Variants in FOXE1 observed in about 807,000 individuals in gnomAD.
FOXE1 encodes the protein forkhead box protein E1.
FOXE1 carries 4 observed loss-of-function variants against 2.1 expected under a neutral mutation model. That is an observed-to-expected ratio of 1.91 (90% confidence interval 0.94 to 4.37). The LOEUF is 4.37. FOXE1 is among the 30% of genes most tolerant of loss of function. The pLI is 0.01. For missense variants in FOXE1, 574 were observed against 583.3 expected, an observed-to-expected ratio of 0.98 and a Z score of 0.16; for synonymous variants, 277 against 272.4, an observed-to-expected ratio of 1.02 and a Z score of -0.17.
Position 97,854,483 on chromosome 9 carries a change from C to T in FOXE1, c.569C>T (p.Pro190Leu), listed in dbSNP as rs182535331. The T allele has an allele frequency of 9.8e-6, 12 of 1,229,610 alleles. No homozygotes were observed. In the East Asian group the frequency reaches 2.3e-4, roughly 24 times the overall value. The allele number at this position is 1,229,610 out of a possible 1,614,324, so 76.2% of individuals were successfully genotyped here. A position where few individuals can be genotyped will look rare whatever the true frequency, so the allele number is the denominator to read the frequency against. Reference sequence around the variant, plus strand: ...CCAGGCGCGGTGCCCGCCGCGCGCCCCCCCTACCCGGGCGCCGTCTATGCA... The same window carrying T: ...CCAGGCGCGGTGCCCGCCGCGCGCCTCCCCTACCCGGGCGCCGTCTATGCA... The part of the protein sequence containing the change: ...IFPGAVPAAR[P>L]PYPGAVYAGY... The change falls in exon 1 of 1, where the codon CCC becomes CTC. Residue 190 changes from proline (P) to leucine (L), a missense_variant. Pro to Leu is a moderately conservative substitution (Grantham distance 98, BLOSUM62 -3). This residue lies in a region of FOXE1 where 316 missense variants were observed against 288.4 expected (regional missense o/e 1.10). Coordinates refer to ENST00000375123, the MANE Select transcript of FOXE1 (RefSeq NM_004473.4).
rs1393775359 is a variant in FOXE1 at position 97,853,816 on chromosome 9, C to T, written c.-99C>T. On this transcript the variant is annotated 5_prime_UTR_variant, in exon 1 of 1. Transcript: ENST00000375123. Reference sequence around the variant, plus strand: ...GCCCGCGACGATCCCCTGAGCTCTCCGCAGAAGGGCCGAGCGTCCGTTCCG... The same window carrying T: ...GCCCGCGACGATCCCCTGAGCTCTCTGCAGAAGGGCCGAGCGTCCGTTCCG... The T allele has an allele frequency of 3.1e-5, 33 of 1,077,072 alleles. No homozygotes were observed. Among genetic ancestry groups the T allele is most frequent in the Non-Finnish European group, 3.9e-5 (33 of 850,994 alleles). The allele number at this position is 1,077,072 out of a possible 1,614,324, so 66.7% of individuals were successfully genotyped here.
chr9:97,855,095 T>C lies in FOXE1; in HGVS notation c.*59T>C. ...GGCTGTTCACACGTTCCCCGCAATCTGAGAACGAACAGGAATGGAGAGAGG... is the reference window on the plus strand; with the variant it reads ...GGCTGTTCACACGTTCCCCGCAATCCGAGAACGAACAGGAATGGAGAGAGG... On this transcript the variant is annotated 3_prime_UTR_variant, in exon 1 of 1. Transcript: ENST00000375123. 4 of 1,585,054 alleles carry C rather than the reference T, an allele frequency of 2.5e-6. No individual in the cohort carries two copies. Among genetic ancestry groups the C allele is most frequent in the Non-Finnish European group, 3.4e-6 (4 of 1,162,480 alleles).
In FOXE1 at chr9:97,853,895, G is replaced by A. The variant is rs891168156; in HGVS notation, c.-20G>A. On this transcript the variant is annotated 5_prime_UTR_variant, in exon 1 of 1. Coordinates refer to ENST00000375123, the MANE Select transcript of FOXE1 (RefSeq NM_004473.4). ...ACAGCCGCGGGGATCCAGAGCCCGG[G>A]GGTGCGGGACGCCCGCGCCATGACT... 1.6e-6 allele frequency: 2 copies of A among 1,271,102 alleles called. No individual in the cohort carries two copies. The highest frequency in any genetic ancestry group is 3.1e-5 in the African/African-American group (2 of 64,108). 78.7% of individuals were successfully genotyped at this position (1,271,102 alleles called of 1,614,324 possible).
In FOXE1 at chr9:97,854,697, C is replaced by T; in HGVS notation, c.783C>T (p.Tyr261=). Residue 261 remains tyrosine, a synonymous_variant, in exon 1 of 1, where the codon TAC becomes TAT. Transcript: ENST00000375123. ...GCGCCCCCGCTACCACCACCGGCTA[C>T]CAGCCCGCAGGCTGCACCGGGGCCC... The part of the protein sequence containing the change: ...SAGAPATTTG[Y]QPAGCTGARP... 1.4e-6 allele frequency: 2 copies of T among 1,414,384 alleles called. No homozygotes were observed. The highest frequency in any genetic ancestry group is 2.5e-4 in the Middle Eastern group (1 of 3,962). 87.6% of individuals were successfully genotyped at this position (1,414,384 alleles called of 1,614,324 possible).
Position 97,854,221 on chromosome 9 carries a change from CACA to C in FOXE1, c.310_312del (p.Asn104del). 2 of 1,613,206 alleles carry C rather than the reference CACA, an allele frequency of 1.2e-6. No individual in the cohort carries two copies. Among genetic ancestry groups the C allele is most frequent in the Non-Finnish European group, 8.5e-7 (1 of 1,179,686 alleles). On this transcript the variant is annotated inframe_deletion, in exon 1 of 1. Transcript: ENST00000375123. ...CAAAAAGTGGCAGAACAGCATCCGC[CACA>C]ACCTCACACTCAACGACTGCTTCCT... is the stretch of plus-strand genomic sequence containing the variant.
chr9:97,853,378 G>C lies in FOXE1; in HGVS notation c.-537G>C, dbSNP rs7849497. On this transcript the variant is annotated 5_prime_UTR_variant, in exon 1 of 1. Coordinates refer to ENST00000375123, the MANE Select transcript of FOXE1 (RefSeq NM_004473.4). ...TCGCCTCTCTGCCCGTGGCGCTTACGGCCACCTTGGCCTCGGGGGCAGGGC... is the reference window on the plus strand; with the variant it reads ...TCGCCTCTCTGCCCGTGGCGCTTACCGCCACCTTGGCCTCGGGGGCAGGGC... 124,578 of 152,740 alleles carry C rather than the reference G, an allele frequency of 0.82. 51,546 individuals carry two copies. The highest frequency in any genetic ancestry group is 0.99 in the East Asian group (5,123 of 5,154). The allele number at this position is 152,740 out of a possible 1,614,324, so 9.5% of individuals were successfully genotyped here.
rs1036219486 is a variant in FOXE1 at position 97,855,845 on chromosome 9, C to T, written c.*809C>T. 3.0e-5 allele frequency: 5 copies of T among 167,062 alleles called. No homozygotes were observed. The highest frequency in any genetic ancestry group is 7.3e-5 in the Non-Finnish European group (5 of 68,140). The allele number at this position is 167,062 out of a possible 1,614,324, so 10.3% of individuals were successfully genotyped here. Reference sequence around the variant, plus strand: ...CTGTTCTAGGGAACGGAAAAGAGTTCATGGCCAAGCGTCTAACCTAAAGTC... The same window carrying T: ...CTGTTCTAGGGAACGGAAAAGAGTTTATGGCCAAGCGTCTAACCTAAAGTC... On this transcript the variant is annotated 3_prime_UTR_variant, in exon 1 of 1. Coordinates refer to ENST00000375123, the MANE Select transcript of FOXE1 (RefSeq NM_004473.4).
In FOXE1 at chr9:97,854,659, T is replaced by G; in HGVS notation, c.745T>G (p.Phe249Val). ...GTCGGGGCCCGGCGGCTCTTGCGCC[T>G]TTGCCTCCGCCGGCGCCCCCGCTAC... ...APSGPGGSCA[F>V]ASAGAPATTT... The change falls in exon 1 of 1, where the codon TTT (phenylalanine) becomes GTT (valine). Residue 249 changes from phenylalanine to valine, a missense_variant. Phe to Val is a conservative substitution (Grantham distance 50). Around this residue, in one of 3 missense-constraint regions of FOXE1, gnomAD observed 316 missense variants for 288.4 expected, o/e 1.10. Coordinates refer to ENST00000375123, the MANE Select transcript of FOXE1 (RefSeq NM_004473.4). 2 of 1,400,912 alleles carry G rather than the reference T, an allele frequency of 1.4e-6. No homozygotes were observed. Among genetic ancestry groups the G allele is most frequent in the Admixed American group, 3.4e-5 (1 of 29,698 alleles). 86.8% of individuals were successfully genotyped at this position (1,400,912 alleles called of 1,614,324 possible).
Position 97,854,567 on chromosome 9 carries a change from C to T in FOXE1, c.653C>T (p.Pro218Leu). The T allele has an allele frequency of 7.5e-7, 1 of 1,327,684 alleles. No individual in the cohort carries two copies. 82.2% of individuals were successfully genotyped at this position (1,327,684 alleles called of 1,614,324 possible). ...PPPVYYPAAS[P>L]GPCRVFGLVP... is the part of the protein sequence containing the mutation. ...CCAGTCTACTACCCCGCGGCGTCGC[C>T]CGGCCCTTGCCGCGTCTTCGGCCTG... The change falls in exon 1 of 1, where the codon CCC becomes CTC. Residue 218 changes from proline (P) to leucine (L), a missense_variant. Physicochemically the swap from Pro to Leu is moderately conservative, Grantham distance 98. Transcript: ENST00000375123.
chr9:97,854,543 C>T lies in FOXE1; in HGVS notation c.629C>T (p.Pro210Leu). ...CCGCCGTCGCTGGCCGCGCCGCCTC[C>T]AGTCTACTACCCCGCGGCGTCGCCC... ...YAPPSLAAPP[P>L]VYYPAASPGP... The change falls in exon 1 of 1, where the codon CCA becomes CTA. Residue 210 changes from proline to leucine, a missense_variant. Pro to Leu is a moderately conservative substitution (Grantham distance 98, BLOSUM62 -3). Coordinates refer to ENST00000375123, the MANE Select transcript of FOXE1 (RefSeq NM_004473.4). 1 of 1,269,636 alleles carries T rather than the reference C, an allele frequency of 7.9e-7. No homozygotes were observed. The highest frequency in any genetic ancestry group is 9.9e-7 in the Non-Finnish European group (1 of 1,013,766). The allele number at this position is 1,269,636 out of a possible 1,614,324, so 78.6% of individuals were successfully genotyped here. A position where few individuals can be genotyped will look rare whatever the true frequency, so the allele number is the denominator to read the frequency against.
chr9:97,854,492 C>G lies in FOXE1; in HGVS notation c.578C>G (p.Pro193Arg). The stretch of plus-strand genomic sequence containing the variant: ...GTGCCCGCCGCGCGCCCCCCCTACC[C>G]GGGCGCCGTCTATGCAGGCTACGCG... ...GAVPAARPPY[P>R]GAVYAGYAPP... The change falls in exon 1 of 1, where the codon CCG becomes CGG. Residue 193 changes from proline to arginine, a missense_variant. Coordinates refer to ENST00000375123, the MANE Select transcript of FOXE1 (RefSeq NM_004473.4). The G allele has an allele frequency of 8.1e-7, 1 of 1,230,454 alleles. No homozygotes were observed. The highest frequency in any genetic ancestry group is 3.9e-5 in the South Asian group (1 of 25,440). 76.2% of individuals were successfully genotyped at this position (1,230,454 alleles called of 1,614,324 possible).
Position 97,854,424 on chromosome 9 carries a change from C to CGCTGCCGCA in FOXE1, c.512_513insTGCCGCAGC (p.Ala177_Ala179dup), listed in dbSNP as rs755194188. 0.081 allele frequency: 14,273 copies of CGCTGCCGCA among 176,068 alleles called. 98 individuals are homozygous for CGCTGCCGCA. The highest frequency in any genetic ancestry group is 0.082 in the Non-Finnish European group (12,517 of 152,454). The allele number at this position is 176,068 out of a possible 1,614,324, so 10.9% of individuals were successfully genotyped here. ...ACGACGCGGCGGCTGCCGCAGCCGC[C>CGCTGCCGCA]GCCGCCGCCGCCGCCGCCGCCGCCG... On this transcript the variant is annotated inframe_insertion, in exon 1 of 1. Transcript: ENST00000375123.
In FOXE1 at chr9:97,854,505, T is replaced by C. The variant is rs1587808710; in HGVS notation, c.591T>C (p.Tyr197=). The C allele has an allele frequency of 5.6e-6, 7 of 1,242,616 alleles. No homozygotes were observed. Among genetic ancestry groups the C allele is most frequent in the South Asian group, 3.5e-5 (1 of 28,614 alleles). The allele number at this position is 1,242,616 out of a possible 1,614,324, so 77.0% of individuals were successfully genotyped here. A position where few individuals can be genotyped will look rare whatever the true frequency, so the allele number is the denominator to read the frequency against. ...AARPPYPGAV[Y]AGYAPPSLAA... ...GCCCCCCCTACCCGGGCGCCGTCTA[T>C]GCAGGCTACGCGCCGCCGTCGCTGG... The change falls in exon 1 of 1, where the codon TAT becomes TAC. Residue 197 remains tyrosine, a synonymous_variant. Coordinates refer to ENST00000375123, the MANE Select transcript of FOXE1 (RefSeq NM_004473.4).
At position 97,854,042 on chromosome 9, in the gene FOXE1, G is replaced by C. The variant is rs753617832; in HGVS notation, c.128G>C (p.Arg43Pro). 1 of 1,466,194 alleles carries C rather than the reference G, an allele frequency of 6.8e-7. No homozygotes were observed. The highest frequency in any genetic ancestry group is 9.0e-7 in the Non-Finnish European group (1 of 1,110,828). The allele number at this position is 1,466,194 out of a possible 1,614,324, so 90.8% of individuals were successfully genotyped here. A position where few individuals can be genotyped will look rare whatever the true frequency, so the allele number is the denominator to read the frequency against. ...GCCACGGGCCGCGGGGCGGGCGGGC[G>C]GCGCCGCAAGCGCCCCCTGCAGCGC... ...GEATGRGAGG[R>P]RRKRPLQRGK... The change falls in exon 1 of 1, where the codon CGG (arginine) becomes CCG (proline). Residue 43 changes from arginine to proline, a missense_variant. This residue lies in a region of FOXE1 where 249 missense variants were observed against 269.6 expected (regional missense o/e 0.92). Transcript: ENST00000375123.
Position 97,855,273 on chromosome 9 carries a change from C to G in FOXE1, c.*237C>G, listed in dbSNP as rs1406363301. The G allele has an allele frequency of 3.2e-6, 2 of 623,454 alleles. No individual in the cohort carries two copies. The highest frequency in any genetic ancestry group is 2.9e-6 in the Non-Finnish European group (1 of 339,612). 38.6% of individuals were successfully genotyped at this position (623,454 alleles called of 1,614,324 possible). ...ACTGGCACAGGGACCCTCGATGGAGCGAAGCCCTCAAACGGGATGCTTTCT... is the reference window on the plus strand; with the variant it reads ...ACTGGCACAGGGACCCTCGATGGAGGGAAGCCCTCAAACGGGATGCTTTCT... On this transcript the variant is annotated 3_prime_UTR_variant, in exon 1 of 1. Transcript: ENST00000375123.
Position 97,854,360 on chromosome 9 carries a change from T to TCAAGCGCTC in FOXE1, c.447_455dup (p.Lys150_Ser152dup), listed in dbSNP as rs746275428. On this transcript the variant is annotated inframe_insertion, in exon 1 of 1. Coordinates refer to ENST00000375123, the MANE Select transcript of FOXE1 (RefSeq NM_004473.4). ...AGCTTCCTGCGCCGCCGCAAGCGCT[T>TCAAGCGCTC]CAAGCGCTCGGACCTCTCCACCTAC... The TCAAGCGCTC allele has an allele frequency of 1.3e-6, 2 of 1,593,902 alleles. No individual in the cohort carries two copies. Among genetic ancestry groups the TCAAGCGCTC allele is most frequent in the Non-Finnish European group, 1.7e-6 (2 of 1,169,390 alleles).
chr9:97,855,270 G>C lies in FOXE1; in HGVS notation c.*234G>C. The C allele has an allele frequency of 1.6e-6, 1 of 627,194 alleles. No individual in the cohort carries two copies. The highest frequency in any genetic ancestry group is 1.9e-5 in the South Asian group (1 of 52,736). 38.9% of individuals were successfully genotyped at this position (627,194 alleles called of 1,614,324 possible). A position where few individuals can be genotyped will look rare whatever the true frequency, so the allele number is the denominator to read the frequency against. On this transcript the variant is annotated 3_prime_UTR_variant, in exon 1 of 1. Transcript: ENST00000375123. ...TGGACTGGCACAGGGACCCTCGATG[G>C]AGCGAAGCCCTCAAACGGGATGCTT...
At position 97,854,664 on chromosome 9, in the gene FOXE1, C is replaced by T. The variant is rs1287871797; in HGVS notation, c.750C>T (p.Ala250=). The T allele has an allele frequency of 2.7e-5, 38 of 1,402,504 alleles. 1 individual carries two copies. Among genetic ancestry groups the T allele is most frequent in the Admixed American group, 3.4e-5 (1 of 29,828 alleles). 86.9% of individuals were successfully genotyped at this position (1,402,504 alleles called of 1,614,324 possible). The change falls in exon 1 of 1, where the codon GCC becomes GCT. Residue 250 remains alanine (A), a synonymous_variant. Coordinates refer to ENST00000375123, the MANE Select transcript of FOXE1 (RefSeq NM_004473.4). ...GGCCCGGCGGCTCTTGCGCCTTTGCCTCCGCCGGCGCCCCCGCTACCACCA... is the reference window on the plus strand; with the variant it reads ...GGCCCGGCGGCTCTTGCGCCTTTGCTTCCGCCGGCGCCCCCGCTACCACCA... ...PSGPGGSCAF[A]SAGAPATTTG... is the part of the protein sequence containing the mutation.
Position 97,854,327 on chromosome 9 carries a change from A to G in FOXE1, c.413A>G (p.Glu138Gly). ...GACCCCAACGCGGAGGACATGTTCG[A>G]GAGCGGCAGCTTCCTGCGCCGCCGC... ...ALDPNAEDMFESGSFLRRRKR... is the reference protein window; with the variant it reads ...ALDPNAEDMFGSGSFLRRRKR... The change falls in exon 1 of 1, where the codon GAG (glutamate) becomes GGG (glycine). Residue 138 changes from glutamate (E) to glycine (G), a missense_variant. This residue lies in a region of FOXE1 where 249 missense variants were observed against 269.6 expected (regional missense o/e 0.92). Transcript: ENST00000375123. The G allele has an allele frequency of 6.2e-7, 1 of 1,603,608 alleles. No individual in the cohort carries two copies. Among genetic ancestry groups the G allele is most frequent in the South Asian group, 1.1e-5 (1 of 90,388 alleles).
Sources: gnomAD v4.1 joint callset for allele counts on GRCh38, gnomAD v4.1.1 for gene constraint, gnomAD v4.1.1 regional missense constraint, MANE v1.5 for transcripts, NCBI Gene and HGNC (gene_info 2026-07-23, HGNC 2026-07-21) for gene names.